MMAA: variants seen among roughly 807,000 people sequenced by gnomAD.
The protein encoded by MMAA is metabolism of cobalamin associated A, also known as methylmalonic aciduria type A protein, mitochondrial.
MMAA carries 41 observed loss-of-function variants against 45.0 expected under a neutral mutation model. That is an observed-to-expected ratio of 0.91 (90% CI 0.71 to 1.18). The LOEUF (loss-of-function observed/expected upper bound fraction) is 1.18. MMAA is among the 50% of genes most tolerant of loss of function. The probability of loss-of-function intolerance (pLI) is 0.00; values close to 1 mark genes in which losing one functional copy is unlikely to be tolerated. For missense variants in MMAA, 460 were observed against 495.7 expected (o/e 0.93, Z 0.68); for synonymous variants, 154 against 178.2 (o/e 0.86, Z 1.08).
At chr4:145,654,814 G>A (rs1728182757) in intron 6 of MMAA, among the ~76,000 whole-genome samples, 1 of 152,074 alleles carries the variant, frequency 6.6e-6, no homozygotes, top group Non-Finnish European at 1.5e-5. Flanking sequence ...AGTCCTCAGG[G>A]GAACCTACCT....
intron 1 of MMAA, chr4:145,624,819 T>C (rs1734166546): frequency 6.2e-7 from 1 of 1,608,004 alleles, no homozygotes; most frequent in African/African-American, 1.3e-5. Flanking sequence ...GCACACCTCC[T>C]CTACCTTACA....
intron 1 of MMAA, chr4:145,625,840 G>T: frequency 8.0e-7 from 1 of 1,250,250 alleles, no homozygotes; most frequent in South Asian, 1.2e-5. Flanking sequence ...CACACCTCAT[G>T]GCTTCTAAGA....
At chr4:145,645,232 C>T (rs1480398025) in intron 3 of MMAA, among the ~76,000 whole-genome samples, 1 of 152,110 alleles carries the variant, frequency 6.6e-6, no homozygotes, top group Non-Finnish European at 1.5e-5. Context: ...GGGAGGGACA[C>T]TAAAGTTCTC....
chr4:145,652,586 C>T (rs1484533701), intron 5 of MMAA, among the ~76,000 whole-genome samples: 8 of 151,852 alleles, frequency 5.3e-5, no homozygotes, highest in East Asian at 3.9e-4. Context: ...AAAAATTAGC[C>T]GGGCATGGTG....
In MMAA at chr4:145,656,250, A is replaced by C. The variant is rs1365940303; in HGVS notation, c.*816A>C. The C allele has an allele frequency of 6.6e-6, 1 of 152,178 alleles. No individual in the cohort carries two copies. The highest frequency in any genetic ancestry group is 2.4e-5 in the African/African-American group (1 of 41,444). The allele number at this position is 152,178 out of a possible 1,614,324, so 9.4% of individuals were successfully genotyped here. On this transcript the variant is annotated 3_prime_UTR_variant, in exon 7 of 7. Transcript: ENST00000649156. Reference sequence around the variant, plus strand: ...ATTTCACTTCATTTTAGTATTTTAAAAATCTTTTTTCTTGATGGTGAACAA... The same window carrying C: ...ATTTCACTTCATTTTAGTATTTTAACAATCTTTTTTCTTGATGGTGAACAA...
chr4:145,651,992 C>A (rs1395505265), intron 5 of MMAA, among the ~76,000 whole-genome samples: 1 of 152,154 alleles, frequency 6.6e-6, no homozygotes, highest in East Asian at 1.9e-4. Context: ...CTGCTGCCCC[C>A]CTGCTGTGAG....
intron 1 of MMAA, chr4:145,626,039 G>A (rs939462094): frequency 2.3e-5 from 28 of 1,241,350 alleles, no homozygotes; most frequent in Middle Eastern, 5.5e-4. Context: ...TATTCATTCT[G>A]CTCACAGCTC....
chr4:145,641,514 T>A (rs1165775743), intron 2 of MMAA, among the ~76,000 whole-genome samples: 1 of 152,246 alleles, frequency 6.6e-6, no homozygotes, highest in Non-Finnish European at 1.5e-5. Context: ...TGAGTGTAGT[T>A]AGTTAAATGT....
rs1000037172 is a variant in MMAA at position 145,658,444 on chromosome 4, ATG to A, written c.*3013_*3014del. On this transcript the variant is annotated 3_prime_UTR_variant, in exon 7 of 7. Coordinates refer to ENST00000649156, the MANE Select transcript of MMAA (RefSeq NM_172250.3). ...ATTAACTTCTGTAGATAGGAAAAAA[ATG>A]TGCTGAGCTCCAAAACTGACAGACA... 2.6e-5 allele frequency: 4 copies of A among 152,186 alleles called. No homozygotes were observed. The highest frequency in any genetic ancestry group is 4.4e-5 in the Non-Finnish European group (3 of 68,036). 9.4% of individuals were successfully genotyped at this position (152,186 alleles called of 1,614,324 possible).
chr4:145,640,348 A>G (rs1727748910), intron 2 of MMAA, among the ~76,000 whole-genome samples: 2 of 151,924 alleles, frequency 1.3e-5, no homozygotes, highest in Non-Finnish European at 1.5e-5. Context: ...CCTGACCTCA[A>G]GTGATCCACC....
chr4:145,652,974 AC>A (rs985830270), intron 5 of MMAA, among the ~76,000 whole-genome samples: 36 of 151,226 alleles, frequency 2.4e-4, no homozygotes, highest in Admixed American at 3.3e-4. Context: ...GGCTCAAGCT[AC>A]CCTCCTGCCT....
At position 145,659,922 on chromosome 4, in the gene MMAA, A is replaced by C. The variant is rs1728338782; in HGVS notation, c.*4488A>C. The stretch of plus-strand genomic sequence containing the variant: ...ACACCTGAACTTATTCCTCCTATCT[A>C]GTTGTAACTTTGTACCCATTGACCC... On this transcript the variant is annotated 3_prime_UTR_variant, in exon 7 of 7. Transcript: ENST00000649156. The C allele has an allele frequency of 6.6e-6, 1 of 152,026 alleles. No homozygotes were observed. The highest frequency in any genetic ancestry group is 2.4e-5 in the African/African-American group (1 of 41,400). 9.4% of individuals were successfully genotyped at this position (152,026 alleles called of 1,614,324 possible).
chr4:145,626,611 T>C (rs192271064), intron 1 of MMAA, among the ~76,000 whole-genome samples: 1 of 152,364 alleles, frequency 6.6e-6, no homozygotes, highest in Admixed American at 6.5e-5. Flanking sequence ...AGGATTATTT[T>C]ATTTTCTCTA....
chr4:145,648,016 C>A (rs1373397845), intron 4 of MMAA, among the ~76,000 whole-genome samples: 1 of 150,880 alleles, frequency 6.6e-6, no homozygotes. Flanking sequence ...GCCACCATGC[C>A]CAGCTAATTT....
intron 5 of MMAA, among the ~76,000 whole-genome samples, chr4:145,651,633 A>G (rs939067296): frequency 4.6e-5 from 7 of 152,220 alleles, no homozygotes; most frequent in African/African-American, 1.2e-4. Flanking sequence ...TACTAGCTGC[A>G]AGCTCCAGGG....
intron 1 of MMAA, among the ~76,000 whole-genome samples, chr4:145,628,267 C>T (rs1043944214): frequency 1.3e-5 from 2 of 152,126 alleles, no homozygotes; most frequent in South Asian, 2.1e-4. Flanking sequence ...TATTAGTTTC[C>T]TATAGCTCTG....
intron 2 of MMAA, among the ~76,000 whole-genome samples, chr4:145,642,087 C>T (rs1201647372): frequency 6.6e-6 from 1 of 152,134 alleles, no homozygotes; most frequent in Non-Finnish European, 1.5e-5. Context: ...CCAGAAAGAT[C>T]TACTTTATAG....
At chr4:145,633,145 T>G (rs561954967) in intron 1 of MMAA, among the ~76,000 whole-genome samples, 2 of 151,864 alleles carry the variant, frequency 1.3e-5, no homozygotes, top group Non-Finnish European at 2.9e-5. Flanking sequence ...CTTGTTAAAT[T>G]TATTTGATAG....
chr4:145,630,891 A>T (rs1365323526), intron 1 of MMAA, among the ~76,000 whole-genome samples: 1 of 152,204 alleles, frequency 6.6e-6, no homozygotes, highest in African/African-American at 2.4e-5. Context: ...CAATGTCCTT[A>T]ATTTCTTCAT....
Sources: gnomAD v4.1 joint callset for allele counts (sites outside exome capture counted in the v4.1 genomes callset) on GRCh38, gnomAD v4.1.1 for gene constraint, MANE v1.5 for transcripts, NCBI Gene and HGNC (gene_info 2026-07-23, HGNC 2026-07-21) for gene names.